The following DNAH9 variants were observed in gnomAD, a reference collection of about 807,000 sequenced individuals.
DNAH9 encodes DNAH9 variant protein.
A neutral mutation model predicts 471.6 loss-of-function variants in DNAH9; 345 were observed. The observed-to-expected ratio is 0.73, with a 90% CI of 0.67 to 0.80. DNAH9 has a LOEUF of 0.80. DNAH9 is among the 30% of genes least tolerant of loss of function. The pLI, the probability that DNAH9 is intolerant of heterozygous loss-of-function variation, is 0.00. For missense variants in DNAH9, 5,407 were observed against 5,609.2 expected (o/e 0.96, Z 1.15); for synonymous variants, 2,093 against 2,123.6 (o/e 0.99, Z 0.40).
At chr17:11,835,660 C>T (rs1970826234) in intron 49 of DNAH9, among the ~76,000 whole-genome samples, 1 of 152,178 alleles carries the variant, frequency 6.6e-6, no homozygotes, top group Non-Finnish European at 1.5e-5. Flanking sequence ...AGAAAGCTGC[C>T]CCCTTTTCTG....
intron 38 of DNAH9, among the ~76,000 whole-genome samples, chr17:11,779,888 A>T (rs1206529834): frequency 6.6e-6 from 1 of 152,224 alleles, no homozygotes; most frequent in Non-Finnish European, 1.5e-5. Context: ...AGAAAATTAG[A>T]ATATTCGAGC....
intron 22 of DNAH9, among the ~76,000 whole-genome samples, chr17:11,695,557 G>A (rs189378203): frequency 4.5e-4 from 68 of 152,336 alleles, no homozygotes; most frequent in African/African-American, 1.5e-3. Context: ...TTCCTTATCT[G>A]TAAAACAGAA....
intron 68 of DNAH9, 128 bp from the exon 69 acceptor site, chr17:11,969,172 A>G: frequency 5.4e-6 from 4 of 740,136 alleles, no homozygotes; most frequent in South Asian, 1.8e-5. Context: ...AAAACCTGGA[A>G]GGGGGCAGGC....
At chr17:11,888,205 C>T (rs547523562) in intron 57 of DNAH9, among the ~76,000 whole-genome samples, 3 of 151,876 alleles carry the variant, frequency 2.0e-5, no homozygotes, top group Non-Finnish European at 2.9e-5. Context: ...AGGATGGTCT[C>T]GATCTCCGGA....
At chr17:11,794,164 C>A (rs1459603352) in intron 42 of DNAH9, among the ~76,000 whole-genome samples, 4 of 151,400 alleles carry the variant, frequency 2.6e-5, no homozygotes, top group African/African-American at 9.7e-5. Context: ...CCTGCCTCAG[C>A]CTCCCGAGTA....
In DNAH9 at chr17:11,747,735, C is replaced by T; in HGVS notation, c.6579C>T (p.Ile2193=). Reference sequence around the variant, plus strand: ...TCACAAATGATGAGCTCTTTGGCATCATCAATCCAGCCACAGGAGAATGGA... The same window carrying T: ...TCACAAATGATGAGCTCTTTGGCATTATCAATCCAGCCACAGGAGAATGGA... The part of the protein sequence containing the change: ...KAVTNDELFG[I]INPATGEWKD... The change falls in exon 32 of 69, where the codon ATC becomes ATT. Residue 2193 remains isoleucine (I), a synonymous_variant. Transcript: ENST00000262442. 6.2e-7 allele frequency: 1 copy of T among 1,614,092 alleles called. No individual in the cohort carries two copies. The highest frequency in any genetic ancestry group is 1.1e-5 in the South Asian group (1 of 91,074).
chr17:11,881,220 T>C lies in DNAH9; in HGVS notation c.10613T>C (p.Ile3538Thr), dbSNP rs770528780. Residue 3538 changes from isoleucine to threonine, a missense_variant, in exon 55 of 69, where the codon ATT becomes ACT. Ile to Thr is a moderately conservative substitution (Grantham distance 89). Transcript: ENST00000262442. Reference sequence around the variant, plus strand: ...CCTTTATGTTCCAGATTCATTAAAATTGGAGACAAAGAATGTGAATACAAT... The same window carrying C: ...CCTTTATGTTCCAGATTCATTAAAACTGGAGACAAAGAATGTGAATACAAT... The part of the protein sequence containing the change: ...EVIKKGRFIK[I>T]GDKECEYNPK... 11 of 1,614,054 alleles carry C rather than the reference T, an allele frequency of 6.8e-6. No individual in the cohort carries two copies. Among genetic ancestry groups the C allele is most frequent in the African/African-American group, 1.3e-5 (1 of 74,910 alleles).
intron 44 of DNAH9, 139 bp downstream of exon 44, chr17:11,808,033 G>A (rs1422666030): frequency 2.9e-6 from 3 of 1,048,058 alleles, no homozygotes; most frequent in Non-Finnish European, 4.0e-6. Context: ...TTAGGTTCTG[G>A]GCTGGTGATG....
At chr17:11,913,962 C>A (rs1597819994) in intron 61 of DNAH9, among the ~76,000 whole-genome samples, 1 of 152,064 alleles carries the variant, frequency 6.6e-6, no homozygotes, top group African/African-American at 2.4e-5. Context: ...CTGTTACTAT[C>A]ATTAATTTCA....
At chr17:11,638,642 C>T (rs908656668) in intron 9 of DNAH9, among the ~76,000 whole-genome samples, 23 of 152,134 alleles carry the variant, frequency 1.5e-4, no homozygotes, top group Non-Finnish European at 2.8e-4. Context: ...GCCTCAGCCT[C>T]CCAAAGTGCT....
chr17:11,824,865 T>TCTTCTC (rs111768224), intron 48 of DNAH9, among the ~76,000 whole-genome samples: 8,179 of 151,516 alleles, frequency 0.054, 745 homozygotes, highest in African/African-American at 0.19. Flanking sequence ...TTCAGTACTG[T>TCTTCTC]CTTCTCCTTC....
At chr17:11,646,594 T>G (rs536595539) in intron 11 of DNAH9, among the ~76,000 whole-genome samples, 2 of 152,190 alleles carry the variant, frequency 1.3e-5, no homozygotes, top group Non-Finnish European at 2.9e-5. Context: ...TCCTCTTCTC[T>G]GATTTAAGCA....
At chr17:11,644,398 A>G (rs963115805) in intron 10 of DNAH9, among the ~76,000 whole-genome samples, 6 of 152,118 alleles carry the variant, frequency 3.9e-5, no homozygotes, top group Non-Finnish European at 7.4e-5. Flanking sequence ...AGCTGCGGGC[A>G]GGAAAGGTTA....
At chr17:11,758,163 A>G (rs934761148) in intron 35 of DNAH9, among the ~76,000 whole-genome samples, 2 of 152,086 alleles carry the variant, frequency 1.3e-5, no homozygotes, top group African/African-American at 4.8e-5. Flanking sequence ...GGTATAATGT[A>G]CCATCTGACA....
chr17:11,812,026 A>AAT (rs1555601078), intron 45 of DNAH9, among the ~76,000 whole-genome samples: 3,737 of 36,392 alleles, frequency 0.1, 245 homozygotes, highest in East Asian at 0.15. Context: ...AAAAAAAAAA[A>AAT]ATATATATAT....
Position 11,834,795 on chromosome 17 carries a change from T to C in DNAH9, c.9404T>C (p.Ile3135Thr). 6.2e-7 allele frequency: 1 copy of C among 1,614,094 alleles called. No homozygotes were observed. Among genetic ancestry groups the C allele is most frequent in the Admixed American group, 1.7e-5 (1 of 60,004 alleles). Residue 3135 changes from isoleucine to threonine, a missense_variant, in exon 49 of 69, where the codon ATC becomes ACC. Ile to Thr is a moderately conservative substitution (Grantham distance 89). Coordinates refer to ENST00000262442, the MANE Select transcript of DNAH9 (RefSeq NM_001372.4). Reference protein sequence around the residue: ...ADEEEQKVAVIMLEVKQKQKD... With the variant: ...ADEEEQKVAVTMLEVKQKQKD... ...GAAGAGGAGCAGAAGGTGGCCGTCATCATGCTAGAGGTGAAACAGAAGCAG... is the reference window on the plus strand; with the variant it reads ...GAAGAGGAGCAGAAGGTGGCCGTCACCATGCTAGAGGTGAAACAGAAGCAG...
At chr17:11,701,351 T>C in intron 24 of DNAH9, 104 bp downstream of exon 24, 2 of 1,304,558 alleles carry the variant, frequency 1.5e-6, no homozygotes, top group Non-Finnish European at 2.2e-6. Flanking sequence ...GCTGCATGCT[T>C]CACAGCCAGG....
chr17:11,749,904 A>G (rs1200092649), intron 32 of DNAH9, among the ~76,000 whole-genome samples: 1 of 152,164 alleles, frequency 6.6e-6, no homozygotes, highest in African/African-American at 2.4e-5. Context: ...TTAATATCCA[A>G]TGAGGTAAGT....
At chr17:11,721,494 G>C (rs1311533552) in intron 27 of DNAH9, among the ~76,000 whole-genome samples, 1 of 151,944 alleles carries the variant, frequency 6.6e-6, no homozygotes, top group Non-Finnish European at 1.5e-5. Flanking sequence ...TTGTTTTCTG[G>C]CTGTTCAGAA....
Sources: allele counts gnomAD v4.1 joint callset (sites outside exome capture counted in the v4.1 genomes callset), GRCh38; gene constraint gnomAD v4.1.1; transcripts MANE v1.5; gene names NCBI Gene and HGNC (gene_info 2026-07-23, HGNC 2026-07-21).